Variants in TTLL9 observed in about 807,000 individuals in gnomAD.
TTLL9 encodes tubulin tyrosine ligase like 9.
Under a neutral mutation model 65.6 loss-of-function variants are expected in TTLL9, and 47 were observed. That is an observed-to-expected ratio of 0.72 (90% CI 0.57 to 0.91). The LOEUF is 0.91. Among genes scored for constraint, TTLL9 ranks in the 40% least tolerant of loss-of-function variants. The pLI, the probability that TTLL9 is intolerant of heterozygous loss-of-function variation, is 0.00. For missense variants in TTLL9, 537 were observed against 568.8 expected, an observed-to-expected ratio of 0.94 and a Z score of 0.57; for synonymous variants, 179 against 204.8, an observed-to-expected ratio of 0.87 and a Z score of 1.07.
intron 6 of TTLL9, 138 bp downstream of exon 6, chr20:31,910,060 C>T (rs2063624556): frequency 1.3e-6 from 1 of 791,536 alleles, no homozygotes; most frequent in South Asian, 1.7e-5. Context: ...AGCTCCTCTT[C>T]TCTGCAGTGT....
chr20:31,901,453 T>C (rs1042419016), intron 4 of TTLL9: 7 of 152,244 alleles, frequency 4.6e-5, no homozygotes, highest in African/African-American at 1.7e-4. Context: ...CAATTTGATG[T>C]CTTCCTGGGT....
intron 3 of TTLL9, among the ~76,000 whole-genome samples, chr20:31,895,976 A>G (rs2063381753): frequency 1.3e-5 from 2 of 152,034 alleles, no homozygotes; most frequent in South Asian, 4.2e-4. Context: ...AGTAGCTGGG[A>G]TTACAGGCAC....
chr20:31,909,433 C>T (rs556136265), intron 5 of TTLL9, among the ~76,000 whole-genome samples: 48 of 152,080 alleles, frequency 3.2e-4, no homozygotes, highest in Non-Finnish European at 6.3e-4. Flanking sequence ...TGAGCCACTG[C>T]GCCCGGCCAA....
intron 12 of TTLL9, among the ~76,000 whole-genome samples, chr20:31,935,654 C>G (rs2064096492): frequency 1.3e-5 from 2 of 152,234 alleles, no homozygotes; most frequent in African/African-American, 4.8e-5. Flanking sequence ...TCCCCTGCAG[C>G]AGGATGTGAC....
At chr20:31,911,242 C>T (rs994031918) in intron 6 of TTLL9, among the ~76,000 whole-genome samples, 2 of 152,188 alleles carry the variant, frequency 1.3e-5, no homozygotes, top group Middle Eastern at 3.2e-3. Flanking sequence ...ACCAATCACT[C>T]AGCCCTTTCT....
At chr20:31,915,431 G>A (rs960879611) in intron 6 of TTLL9, among the ~76,000 whole-genome samples, 30 of 152,144 alleles carry the variant, frequency 2.0e-4, no homozygotes, top group African/African-American at 5.6e-4. Context: ...GCAGTAAGCC[G>A]AGATCCTGCC....
chr20:31,878,038 G>C (rs568662008), intron 2 of TTLL9, among the ~76,000 whole-genome samples: 1 of 152,288 alleles, frequency 6.6e-6, no homozygotes, highest in South Asian at 2.1e-4. Flanking sequence ...GCAGGACACA[G>C]AGTAGAAGCA....
chr20:31,934,445 A>C lies in TTLL9; in HGVS notation c.808-247A>C, dbSNP rs2064073765. 3 of 649,740 alleles carry C rather than the reference A, an allele frequency of 4.6e-6. No homozygotes were observed. In the East Asian group the frequency reaches 9.2e-5, roughly 20 times the overall value. 40.2% of individuals were successfully genotyped at this position (649,740 alleles called of 1,614,324 possible). On this transcript the variant is annotated intron_variant, in intron 11 of 14. Transcript: ENST00000535842. ...CTGTCCTTAGCAAGTCAGGCTCAGA[A>C]AAGGGGCCTACGCAGGCCATGTGGG...
intron 4 of TTLL9, among the ~76,000 whole-genome samples, chr20:31,900,717 C>T (rs1041440370): frequency 2.0e-5 from 3 of 151,920 alleles, no homozygotes; most frequent in East Asian, 1.9e-4. Flanking sequence ...ATCCAGAGAA[C>T]GGGTGTCATG....
chr20:31,915,618 G>A (rs2063722708), intron 6 of TTLL9, among the ~76,000 whole-genome samples: 1 of 152,232 alleles, frequency 6.6e-6, no homozygotes, highest in Non-Finnish European at 1.5e-5. Flanking sequence ...CCCCAGGTTT[G>A]TGTAGCACAG....
rs896542802 is a variant in TTLL9 at position 31,923,664 on chromosome 20, C to G, written c.664+611C>G. On this transcript the variant is annotated intron_variant, in intron 8 of 14. Transcript: ENST00000535842. ...CTCCCCGCAAGCTTGGTGGGTTTCC[C>G]CAGGCGGGCCAACATCTGCTTTTCT... 5.9e-5 allele frequency among the ~76,000 whole-genome samples: 9 copies of G among 152,276 alleles called. No homozygotes were observed. The Middle Eastern group carries it at 0.01, about 173-fold the overall frequency.
At chr20:31,887,855 C>CCTCTTCTCTTCTCTTCTCTGCTCTT (rs2063216081) in intron 3 of TTLL9, among the ~76,000 whole-genome samples, 1 of 114,926 alleles carries the variant, frequency 8.7e-6, no homozygotes, top group South Asian at 3.5e-4. Flanking sequence ...TATCTCCTCT[C>CCTCTTCTCTTCTCTTCTCTGCTCTT]CTCTTCTCTT....
chr20:31,930,670 G>GCTTGTCCATTGGTTTA (rs1472949047), intron 10 of TTLL9, among the ~76,000 whole-genome samples: 2 of 152,024 alleles, frequency 1.3e-5, no homozygotes, highest in African/African-American at 4.8e-5. Context: ...ATTTTCACAT[G>GCTTGTCCATTGGTTTA]CTTGTCCATT....
chr20:31,895,734 C>A (rs2063374592), intron 3 of TTLL9, among the ~76,000 whole-genome samples: 2 of 150,280 alleles, frequency 1.3e-5, no homozygotes, highest in African/African-American at 4.9e-5. Context: ...ACAAATTCTC[C>A]CATAGAGCCT....
intron 3 of TTLL9, among the ~76,000 whole-genome samples, chr20:31,893,291 CTTTTTT>C (rs34875132): frequency 1.5e-5 from 2 of 130,118 alleles, no homozygotes; most frequent in African/African-American, 5.7e-5. Flanking sequence ...TGTTCTTTTT[CTTTTTT>C]TTTTTTTTTT....
chr20:31,876,047 A>G (rs1204811539), intron 2 of TTLL9, among the ~76,000 whole-genome samples: 1 of 152,264 alleles, frequency 6.6e-6, no homozygotes, highest in Non-Finnish European at 1.5e-5. Flanking sequence ...CCTTTAAAAA[A>G]CATTTCTCAT....
intron 3 of TTLL9, among the ~76,000 whole-genome samples, chr20:31,890,146 C>CTTTCTTTCTTTCTT (rs1568753458): frequency 5.3e-5 from 1 of 18,952 alleles, no homozygotes; most frequent in African/African-American, 3.5e-4. Flanking sequence ...TCCTTCCTTC[C>CTTTCTTTCTTTCTT]TTCCTTCCTT....
At position 31,939,148 on chromosome 20, in the gene TTLL9, G is replaced by T; in HGVS notation, c.1125G>T (p.Thr375=). The change falls in exon 14 of 15, where the codon ACG becomes ACT. Residue 375 remains threonine (T), a synonymous_variant. Transcript: ENST00000535842. ...GGGCCTCCTTCCTGTCCAGGCTCAC[G>T]GGAAGGGAGAAGCGAGTCGGGGGCT... The part of the protein sequence containing the change: ...LHVVDMEARL[T]GREKRVGGFD... The T allele has an allele frequency of 6.3e-7, 1 of 1,587,858 alleles. No homozygotes were observed. The highest frequency in any genetic ancestry group is 1.2e-5 in the South Asian group (1 of 86,592).
intron 3 of TTLL9, among the ~76,000 whole-genome samples, chr20:31,892,843 C>T (rs752010767): frequency 1.3e-4 from 20 of 152,328 alleles, no homozygotes; most frequent in Non-Finnish European, 2.9e-4. Context: ...AAGAACCCTA[C>T]AGCAACACAC....
Sources: gnomAD v4.1 joint callset for allele counts (sites outside exome capture counted in the v4.1 genomes callset) on GRCh38, gnomAD v4.1.1 for gene constraint, MANE v1.5 for transcripts, NCBI Gene and HGNC (gene_info 2026-07-23, HGNC 2026-07-21) for gene names.